STMN3: variants seen among roughly 807,000 people sequenced by gnomAD.
STMN3 encodes the protein stathmin-3.
In STMN3, 24 loss-of-function variants were observed where a neutral mutation model predicts 23.2. The observed-to-expected ratio is 1.03, with a 90% CI of 0.75 to 1.45. The LOEUF (loss-of-function observed/expected upper bound fraction) is 1.45. STMN3 is among the 40% of genes most tolerant of loss of function. The pLI, the probability that STMN3 is intolerant of heterozygous loss-of-function variation, is 0.00. For missense variants in STMN3, 235 were observed against 237.6 expected, an observed-to-expected ratio of 0.99 and a Z score of 0.07; for synonymous variants, 117 against 103.4, an observed-to-expected ratio of 1.13 and a Z score of -0.80.
intron 3 of STMN3, among the ~76,000 whole-genome samples, chr20:63,642,516 GCCGCCC>G (rs1400354262): frequency 1.3e-5 from 2 of 149,260 alleles, no homozygotes; most frequent in Non-Finnish European, 3.0e-5. Flanking sequence ...GTCGCGATCC[GCCGCCC>G]CCGCCCCCGT....
chr20:63,647,804 T>C (rs1053721548), intron 1 of STMN3, among the ~76,000 whole-genome samples: 35 of 127,914 alleles, frequency 2.7e-4, no homozygotes, highest in African/African-American at 9.7e-4. Flanking sequence ...TATACGTATA[T>C]ATACACGTGT....
At chr20:63,647,769 T>TATATATAATATATATACATAC (rs1569069941) in intron 1 of STMN3, among the ~76,000 whole-genome samples, 3 of 126,340 alleles carry the variant, frequency 2.4e-5, no homozygotes, top group Non-Finnish European at 5.0e-5. Flanking sequence ...TATATACATA[T>TATATATAATATATATACATAC]ATACACGTGT....
intron 1 of STMN3, among the ~76,000 whole-genome samples, chr20:63,650,119 C>T (rs1432844072): frequency 2.3e-5 from 2 of 86,978 alleles, no homozygotes; most frequent in African/African-American, 5.4e-5. Context: ...TGAGCCCCCG[C>T]GCCTGGCCCC....
At chr20:63,645,726 G>A (rs2089803861) in intron 1 of STMN3, among the ~76,000 whole-genome samples, 2 of 152,206 alleles carry the variant, frequency 1.3e-5, no homozygotes, top group African/African-American at 4.8e-5. Flanking sequence ...GCCAAGGCAG[G>A]TGGAACACCT....
chr20:63,640,562 G>GGGAGGGGCGGCAGGGCTGTCCCAC lies in STMN3; in HGVS notation c.*775_*776insGTGGGACAGCCCTGCCGCCCCTCC, dbSNP rs1555896669. The GGGAGGGGCGGCAGGGCTGTCCCAC allele has an allele frequency of 5.0e-5, 2 of 39,820 alleles. No individual in the cohort carries two copies. The highest frequency in any genetic ancestry group is 5.2e-4 in the African/African-American group (2 of 3,846). 2.5% of individuals were successfully genotyped at this position (39,820 alleles called of 1,614,324 possible). ...CAAGGACATCTGCAAAGCCCTGGTG[G>GGGAGGGGCGGCAGGGCTGTCCCAC]GGAGGGGCCTGGGCCAGAGGCTCTT... On this transcript the variant is annotated 3_prime_UTR_variant, in exon 5 of 5. Transcript: ENST00000370053.
chr20:63,643,997 T>A, intron 2 of STMN3, 66 bp from the exon 3 acceptor site: 2 of 1,567,512 alleles, frequency 1.3e-6, no homozygotes, highest in Non-Finnish European at 1.7e-6. Flanking sequence ...CTGAGCGGGA[T>A]GCTCCCAGCA....
chr20:63,651,148 G>A (rs1366600512), intron 1 of STMN3, among the ~76,000 whole-genome samples: 6 of 151,944 alleles, frequency 3.9e-5, no homozygotes, highest in Admixed American at 3.9e-4. Context: ...TAGCAGAGAG[G>A]GGGGATTTCA....
intron 1 of STMN3, among the ~76,000 whole-genome samples, chr20:63,646,276 G>C (rs1197507037): frequency 6.6e-6 from 1 of 152,056 alleles, no homozygotes. Flanking sequence ...TACCTGTCTT[G>C]GTCATTGTCT....
In STMN3 at chr20:63,640,271, A is replaced by T. The variant is rs1223550440; in HGVS notation, c.*1067T>A. 1 of 152,608 alleles carries T rather than the reference A, an allele frequency of 6.6e-6. No individual in the cohort carries two copies. Among genetic ancestry groups the T allele is most frequent in the Non-Finnish European group, 1.5e-5 (1 of 68,050 alleles). 9.5% of individuals were successfully genotyped at this position (152,608 alleles called of 1,614,324 possible). A position where few individuals can be genotyped will look rare whatever the true frequency, so the allele number is the denominator to read the frequency against. On this transcript the variant is annotated 3_prime_UTR_variant, in exon 5 of 5. Coordinates refer to ENST00000370053, the MANE Select transcript of STMN3 (RefSeq NM_015894.4). ...AAGGCCAGCACTGGGCGTCCAAGGG[A>T]AAGAAGGAACTCAGCCCAGAGGGTG...
intron 3 of STMN3, among the ~76,000 whole-genome samples, chr20:63,642,861 A>G (rs1407868644): frequency 6.6e-6 from 1 of 152,096 alleles, no homozygotes; most frequent in Non-Finnish European, 1.5e-5. Flanking sequence ...AGTCCCTACT[A>G]GTCAGCCCTG....
chr20:63,647,765 C>A (rs1309190020), intron 1 of STMN3, among the ~76,000 whole-genome samples: 1 of 112,926 alleles, frequency 8.9e-6, no homozygotes, highest in Non-Finnish European at 1.8e-5. Context: ...AATATATATA[C>A]ATATATACAC....
chr20:63,650,156 GC>G (rs2089846475), intron 1 of STMN3, among the ~76,000 whole-genome samples: 1 of 129,486 alleles, frequency 7.7e-6, no homozygotes, highest in Admixed American at 8.3e-5. Flanking sequence ...ACAGGCGTGA[GC>G]CCCCGCGCCC....
chr20:63,653,287 G>C, intron 1 of STMN3, 40 bp downstream of exon 1: 1 of 1,543,744 alleles, frequency 6.5e-7, no homozygotes, highest in Non-Finnish European at 8.7e-7. Context: ...CCTCTGCTCA[G>C]ATCCCGCCGC....
intron 1 of STMN3, among the ~76,000 whole-genome samples, chr20:63,647,960 G>GTGTATATATATATATA (rs1424237875): frequency 7.5e-5 from 4 of 53,360 alleles, no homozygotes; most frequent in Non-Finnish European, 1.3e-4. Flanking sequence ...ATATATATAT[G>GTGTATATATATATATA]TATATATATA....
At chr20:63,648,746 A>T (rs1043853308) in intron 1 of STMN3, among the ~76,000 whole-genome samples, 2 of 152,090 alleles carry the variant, frequency 1.3e-5, no homozygotes, top group African/African-American at 4.8e-5. Flanking sequence ...AAAAAACAAA[A>T]ACTGGAATGT....
intron 1 of STMN3, among the ~76,000 whole-genome samples, chr20:63,647,006 C>G (rs1403713695): frequency 6.6e-6 from 1 of 151,534 alleles, no homozygotes; most frequent in Admixed American, 6.6e-5. Flanking sequence ...TACACACCAG[C>G]TTAAAAAAAA....
Position 63,652,591 on chromosome 20 carries a change from C to T in STMN3, c.19+736G>A, listed in dbSNP as rs548712466. 5.1e-6 allele frequency: 5 copies of T among 985,264 alleles called. No homozygotes were observed. Among genetic ancestry groups the T allele is most frequent in the African/African-American group, 1.7e-5 (1 of 57,242 alleles). The allele number at this position is 985,264 out of a possible 1,614,324, so 61.0% of individuals were successfully genotyped here. On this transcript the variant is annotated intron_variant, in intron 1 of 4. Coordinates refer to ENST00000370053, the MANE Select transcript of STMN3 (RefSeq NM_015894.4). The surrounding 1 kb of genome is among the most constrained non-coding windows in gnomAD (Gnocchi z 5.3). ...GCGCTACCTTCGAAGGCGGTGGGTC[C>T]GCCCCGCGGGAGGTGGAGGGGCGGG...
intron 1 of STMN3, among the ~76,000 whole-genome samples, chr20:63,649,711 T>C (rs552175315): frequency 6.6e-6 from 1 of 152,060 alleles, no homozygotes; most frequent in East Asian, 1.9e-4. Context: ...TTTGTATTTT[T>C]AGTAGAGACG....
chr20:63,652,536 C>G lies in STMN3; in HGVS notation c.19+791G>C. 2.0e-6 allele frequency: 2 copies of G among 980,504 alleles called. No individual in the cohort carries two copies. The highest frequency in any genetic ancestry group is 2.4e-6 in the Non-Finnish European group (2 of 825,548). The allele number at this position is 980,504 out of a possible 1,614,324, so 60.7% of individuals were successfully genotyped here. On this transcript the variant is annotated intron_variant, in intron 1 of 4. Coordinates refer to ENST00000370053, the MANE Select transcript of STMN3 (RefSeq NM_015894.4). This position sits in a 1 kb window ranked among gnomAD's most constrained non-coding sequence, Gnocchi z 5.3. ...TGCGCCCGCCCCTCCGCCTGAGCTC[C>G]GCGCGGGACGGGCCGGGAGGCCGGG...
Sources: allele counts gnomAD v4.1 joint callset (sites outside exome capture counted in the v4.1 genomes callset), GRCh38; gene constraint gnomAD v4.1.1; non-coding constraint Gnocchi (gnomAD v3.1); transcripts MANE v1.5; gene names NCBI Gene and HGNC (gene_info 2026-07-23, HGNC 2026-07-21).